Variants in FRMD4A observed in about 807,000 individuals in gnomAD.
The protein encoded by FRMD4A is FERM domain-containing protein 4A.
A neutral mutation model predicts 129.1 loss-of-function variants in FRMD4A; 29 were observed. That is an observed-to-expected ratio of 0.22 (90% CI 0.17 to 0.31). FRMD4A has a LOEUF of 0.31. Ranked by LOEUF, FRMD4A falls within the 10% of genes least tolerant of loss-of-function variation. The probability of loss-of-function intolerance (pLI) is 1.00; values close to 1 mark genes in which losing one functional copy is unlikely to be tolerated. For synonymous variants in FRMD4A, 634 were observed against 571.6 expected, an observed-to-expected ratio of 1.11 and a Z score of -1.56; for missense variants, 1,272 against 1,375.8, an observed-to-expected ratio of 0.92 and a Z score of 1.19.
intron 2 of FRMD4A, among the ~76,000 whole-genome samples, chr10:14,002,472 G>C (rs2095646122): frequency 6.6e-6 from 1 of 152,316 alleles, no homozygotes; most frequent in Non-Finnish European, 1.5e-5. Context: ...CACGAGGATG[G>C]AGGCTGTTCC....
intron 2 of FRMD4A, among the ~76,000 whole-genome samples, chr10:14,266,499 CTGTGTG>C (rs56663050): frequency 1.3e-4 from 20 of 150,408 alleles, no homozygotes; most frequent in African/African-American, 2.2e-4. Flanking sequence ...ATGTTGTGCT[CTGTGTG>C]TGTGTGTGTG....
At chr10:14,099,434 AC>A (rs1837180925) in intron 2 of FRMD4A, among the ~76,000 whole-genome samples, 2 of 152,356 alleles carry the variant, frequency 1.3e-5, no homozygotes, top group Admixed American at 1.3e-4. Flanking sequence ...TTAAGTGTGT[AC>A]GTGCATAGCC....
At position 13,679,855 on chromosome 10, in the gene FRMD4A, G is replaced by A. The variant is rs570376340; in HGVS notation, c.1118-4811C>T. On this transcript the variant is annotated intron_variant, in intron 15 of 24. Transcript: ENST00000357447. ...GTGGCCACCAAGGCAAGAGGTGGCCGAGTGCCCAGTGACACGGACACACCA... is the reference window on the plus strand; with the variant it reads ...GTGGCCACCAAGGCAAGAGGTGGCCAAGTGCCCAGTGACACGGACACACCA... Among the ~76,000 whole-genome samples the A allele has an allele frequency of 4.6e-5, 7 of 152,168 alleles. No individual in the cohort carries two copies. The South Asian group carries it at 1.2e-3, about 27-fold the overall frequency.
chr10:13,894,166 G>A (rs1454192815), intron 2 of FRMD4A, among the ~76,000 whole-genome samples: 8 of 152,132 alleles, frequency 5.3e-5, no homozygotes, highest in Non-Finnish European at 1.2e-4. Flanking sequence ...TGGGCGCCAG[G>A]CATACTCAGG....
At chr10:14,093,773 C>T (rs543187446) in intron 2 of FRMD4A, among the ~76,000 whole-genome samples, 1 of 152,304 alleles carries the variant, frequency 6.6e-6, no homozygotes, top group South Asian at 2.1e-4. Context: ...TTATTAGTTA[C>T]AAATGTCACA....
In FRMD4A at chr10:14,185,422, G is replaced by A. The variant is rs1356606304; in HGVS notation, c.45+144636C>T. ...AAAAATCTACCACCCTAAGCGTAAGGAGAGCTAGTACAGATGAGGATGTCG... is the reference window on the plus strand; with the variant it reads ...AAAAATCTACCACCCTAAGCGTAAGAAGAGCTAGTACAGATGAGGATGTCG... On this transcript the variant is annotated intron_variant, in intron 2 of 24. Coordinates refer to ENST00000357447, the MANE Select transcript of FRMD4A (RefSeq NM_018027.5). 7.9e-5 allele frequency among the ~76,000 whole-genome samples: 12 copies of A among 152,330 alleles called. No homozygotes were observed. In the East Asian group the frequency reaches 2.1e-3, roughly 27 times the overall value.
chr10:14,232,051 T>A (rs990462594), intron 2 of FRMD4A, among the ~76,000 whole-genome samples: 1 of 152,232 alleles, frequency 6.6e-6, no homozygotes, highest in African/African-American at 2.4e-5. Context: ...TCTATGATTT[T>A]TTTAGCTTTA....
At chr10:14,207,518 C>G (rs1420981416) in intron 2 of FRMD4A, among the ~76,000 whole-genome samples, 1 of 152,164 alleles carries the variant, frequency 6.6e-6, no homozygotes, top group Non-Finnish European at 1.5e-5. Context: ...TAAAATGTGA[C>G]TTTAACACAG....
intron 3 of FRMD4A, among the ~76,000 whole-genome samples, chr10:13,825,431 G>A (rs548056645): frequency 2.0e-5 from 3 of 152,238 alleles, no homozygotes; most frequent in African/African-American, 7.2e-5. Flanking sequence ...CTAAGCAGCA[G>A]TATTAGATTC....
intron 2 of FRMD4A, among the ~76,000 whole-genome samples, chr10:14,000,410 G>T (rs554260475): frequency 2.0e-4 from 31 of 152,054 alleles, no homozygotes; most frequent in African/African-American, 7.5e-4. Flanking sequence ...AGTTTGGGAG[G>T]CTAAAGCGGG....
At chr10:14,322,010 C>T (rs946638798) in intron 2 of FRMD4A, among the ~76,000 whole-genome samples, 1 of 152,218 alleles carries the variant, frequency 6.6e-6, no homozygotes, top group African/African-American at 2.4e-5. Context: ...TCTTCGTCTT[C>T]CACCATGATT....
intron 2 of FRMD4A, among the ~76,000 whole-genome samples, chr10:14,186,014 C>T: frequency 6.6e-6 from 1 of 152,078 alleles, no homozygotes; most frequent in South Asian, 2.1e-4. Context: ...GGTGATGGAG[C>T]ACAGCAGTGG....
At chr10:13,864,580 T>TTC (rs1663783330) in intron 2 of FRMD4A, among the ~76,000 whole-genome samples, 1 of 148,412 alleles carries the variant, frequency 6.7e-6, no homozygotes, top group African/African-American at 2.5e-5. Context: ...TTTCTTTCTT[T>TTC]TTTTTTTTTT....
chr10:14,296,727 G>C (rs913816), intron 2 of FRMD4A, among the ~76,000 whole-genome samples: 64,255 of 152,036 alleles, frequency 0.42, 13,813 homozygotes, highest in Middle Eastern at 0.6. Context: ...ACCACTCTCT[G>C]CCCCAATCCC....
intron 2 of FRMD4A, among the ~76,000 whole-genome samples, chr10:14,024,167 C>T (rs922571223): frequency 6.6e-6 from 1 of 152,232 alleles, no homozygotes; most frequent in Non-Finnish European, 1.5e-5. Flanking sequence ...TTCTGTGCCA[C>T]TCAGGCACTG....
chr10:14,002,719 G>A (rs765729852), intron 2 of FRMD4A, among the ~76,000 whole-genome samples: 7 of 152,168 alleles, frequency 4.6e-5, no homozygotes, highest in African/African-American at 7.2e-5. Context: ...GGATCCTAGA[G>A]TACTACGGGA....
intron 2 of FRMD4A, among the ~76,000 whole-genome samples, chr10:13,959,347 C>A (rs2095431122): frequency 6.6e-6 from 1 of 151,922 alleles, no homozygotes; most frequent in African/African-American, 2.4e-5. Context: ...TGGCGCGTGC[C>A]TTTGGCCCCA....
chr10:14,247,197 A>G (rs1589224846), intron 2 of FRMD4A, among the ~76,000 whole-genome samples: 1 of 152,126 alleles, frequency 6.6e-6, no homozygotes, highest in East Asian at 1.9e-4. Flanking sequence ...CCAGTGGGAG[A>G]CTGTGATGGC....
intron 2 of FRMD4A, among the ~76,000 whole-genome samples, chr10:14,293,082 G>A (rs11258997): frequency 0.32 from 48,740 of 151,952 alleles, 8,138 homozygotes; most frequent in Middle Eastern, 0.37. Flanking sequence ...TGTGCAAAAG[G>A]TATTGCTATG....
Sources: allele counts gnomAD v4.1 joint callset (sites outside exome capture counted in the v4.1 genomes callset), GRCh38; gene constraint gnomAD v4.1.1; transcripts MANE v1.5; gene names NCBI Gene and HGNC (gene_info 2026-07-23, HGNC 2026-07-21).